Variants in RPS6KA6 observed in about 807,000 individuals in gnomAD.
The protein encoded by RPS6KA6 is ribosomal protein S6 kinase A6, also known as ribosomal protein S6 kinase alpha-6.
In RPS6KA6, 27 loss-of-function variants were observed where a neutral mutation model predicts 65.4. That is an observed-to-expected ratio of 0.41 (90% CI 0.30 to 0.57). The LOEUF (loss-of-function observed/expected upper bound fraction) is 0.57. Among genes scored for constraint, RPS6KA6 ranks in the 20% least tolerant of loss-of-function variants. The pLI is 0.24. For missense variants in RPS6KA6, 486 were observed against 555.6 expected (o/e 0.87, Z 1.26); for synonymous variants, 190 against 184.2 (o/e 1.03, Z -0.26).
At chrX:84,130,289 A>G (rs2034873557) in intron 8 of RPS6KA6, among the ~76,000 whole-genome samples, 1 of 111,892 alleles carries the variant, frequency 8.9e-6, no homozygotes, top group South Asian at 3.7e-4. Context: ...TATTAGAAAA[A>G]TACAAAATAA....
chrX:84,104,833 C>G (rs752627181), intron 16 of RPS6KA6, among the ~76,000 whole-genome samples, 176 bp from the exon 17 acceptor site: 1 of 110,443 alleles, frequency 9.1e-6, no homozygotes, highest in East Asian at 2.8e-4. Context: ...GTTGAATTGG[C>G]TAAACAGTCA....
At chrX:84,075,399 G>A (rs1204937870) in intron 20 of RPS6KA6, among the ~76,000 whole-genome samples, 1 of 111,712 alleles carries the variant, frequency 9.0e-6, no homozygotes, top group African/African-American at 3.3e-5. Context: ...TGAGCTGTGA[G>A]ACAACTTCAC....
chrX:84,150,915 G>A (rs187987052), intron 3 of RPS6KA6, among the ~76,000 whole-genome samples: 1,191 of 80,597 alleles, frequency 0.015, 10 homozygotes, highest in Non-Finnish European at 0.022. Flanking sequence ...ATATAGAGAG[G>A]ATATATATAG....
chrX:84,123,207 A>G (rs888143489), intron 8 of RPS6KA6, among the ~76,000 whole-genome samples: 1 of 112,361 alleles, frequency 8.9e-6, no homozygotes, highest in Non-Finnish European at 1.9e-5. Context: ...ATACCCAGGT[A>G]GTACACCATG....
intron 9 of RPS6KA6, 86 bp downstream of exon 9, chrX:84,119,796 CCTG>C (rs1413825147): frequency 2.9e-6 from 2 of 699,472 alleles, no homozygotes; most frequent in Non-Finnish European, 3.9e-6. Flanking sequence ...CCCTTTCTGA[CCTG>C]CTAAATCCCA....
At chrX:84,137,854 C>T (rs907795449) in intron 6 of RPS6KA6, among the ~76,000 whole-genome samples, 10 of 111,702 alleles carry the variant, frequency 9.0e-5, no homozygotes, top group Non-Finnish European at 1.9e-4. Flanking sequence ...ATCATATTAG[C>T]TGCAAATATT....
At chrX:84,188,391 G>A (rs1330756836), upstream of RPS6KA6, among the ~76,000 whole-genome samples, 1 of 106,379 alleles carries the variant, frequency 9.4e-6, no homozygotes, top group East Asian at 3.3e-4. Flanking sequence ...GGATGCGGGG[G>A]ACCGCGTGGT....
chrX:84,083,418 T>C (rs769956819), intron 20 of RPS6KA6, among the ~76,000 whole-genome samples: 72 of 112,363 alleles, frequency 6.4e-4, no homozygotes, highest in South Asian at 1.5e-3. Flanking sequence ...GTGTGTGTTG[T>C]TCTCCGACAT....
chrX:84,185,022 A>G (rs1357914747), intron 1 of RPS6KA6, among the ~76,000 whole-genome samples: 1 of 111,408 alleles, frequency 9.0e-6, no homozygotes, highest in African/African-American at 3.3e-5. Context: ...GCATGGCATT[A>G]AATCATGAAA....
chrX:84,107,389 G>A (rs2034380898), intron 13 of RPS6KA6, among the ~76,000 whole-genome samples: 1 of 111,696 alleles, frequency 9.0e-6, no homozygotes, highest in South Asian at 3.7e-4. Context: ...ATAAAACAAA[G>A]AAATAAACTT....
rs780424415 is a variant in RPS6KA6, at chrX:84,084,171, T to C, written c.1971+12023A>G. Among the ~76,000 whole-genome samples, 4 of 112,683 alleles carry C rather than the reference T, an allele frequency of 3.5e-5. No individual in the cohort carries two copies. In the South Asian group the frequency reaches 1.5e-3, roughly 41 times the overall value. On this transcript the variant is annotated intron_variant, in intron 20 of 21. Coordinates refer to ENST00000262752, the MANE Select transcript of RPS6KA6 (RefSeq NM_014496.5). ...CACTCTGTAGTCTCTCTGTTCACTC[T>C]GATGATAGTTTCTTTTGCTGTGAAG...
chrX:84,169,302 C>T (rs752707599), intron 1 of RPS6KA6, among the ~76,000 whole-genome samples: 45 of 111,262 alleles, frequency 4.0e-4, no homozygotes, highest in African/African-American at 1.3e-3. Flanking sequence ...GCGGGACAAA[C>T]AGAAATCCTA....
intron 20 of RPS6KA6, among the ~76,000 whole-genome samples, chrX:84,071,981 T>C (rs1340897142): frequency 1.8e-5 from 2 of 111,909 alleles, no homozygotes; most frequent in Non-Finnish European, 3.8e-5. Flanking sequence ...ATCTGATGCC[T>C]TCACTGCTGA....
chrX:84,122,312 G>C (rs1266336650), intron 8 of RPS6KA6, among the ~76,000 whole-genome samples: 4 of 108,336 alleles, frequency 3.7e-5, no homozygotes, highest in Non-Finnish European at 7.6e-5. Flanking sequence ...AGTCATGCTG[G>C]CCTCAGCCAG....
intron 8 of RPS6KA6, among the ~76,000 whole-genome samples, chrX:84,123,458 T>C (rs189026084): frequency 6.4e-4 from 72 of 112,585 alleles, no homozygotes; most frequent in African/African-American, 1.7e-3. Flanking sequence ...AGCCCAGTGC[T>C]CTGAAGAACG....
intron 8 of RPS6KA6, among the ~76,000 whole-genome samples, chrX:84,123,531 A>G: frequency 8.9e-6 from 1 of 112,346 alleles, no homozygotes; most frequent in Non-Finnish European, 1.9e-5. Context: ...TTAAGTGAAC[A>G]TTGCCAGTGG....
At chrX:84,169,040 T>G (rs2147619290) in intron 1 of RPS6KA6, among the ~76,000 whole-genome samples, 1 of 112,447 alleles carries the variant, frequency 8.9e-6, no homozygotes, top group African/African-American at 3.2e-5. Context: ...AATAAATCTT[T>G]ATTTCAAAAA....
chrX:84,121,603 T>C (rs752464700), intron 8 of RPS6KA6, among the ~76,000 whole-genome samples: 2 of 112,160 alleles, frequency 1.8e-5, no homozygotes, highest in Non-Finnish European at 3.8e-5. Flanking sequence ...TGTCACACTG[T>C]AACAGAACTG....
intron 20 of RPS6KA6, among the ~76,000 whole-genome samples, chrX:84,067,767 A>C (rs1569365734): frequency 1.8e-5 from 2 of 111,518 alleles, no homozygotes. Flanking sequence ...AATACAGAGA[A>C]CACCACTAAG....
Sources: gnomAD v4.1 joint callset for allele counts (sites outside exome capture counted in the v4.1 genomes callset) on GRCh38, gnomAD v4.1.1 for gene constraint, MANE v1.5 for transcripts, NCBI Gene and HGNC (gene_info 2026-07-23, HGNC 2026-07-21) for gene names.